PLCB1: variants seen among roughly 807,000 people sequenced by gnomAD.
PLCB1 encodes the protein 1-phosphatidylinositol 4,5-bisphosphate phosphodiesterase beta-1.
In PLCB1, 46 loss-of-function variants were observed where a neutral mutation model predicts 161.8. The ratio of observed to expected loss-of-function variants is 0.28; its 90% confidence interval spans 0.22 to 0.36. The LOEUF (loss-of-function observed/expected upper bound fraction) is 0.36, where lower values mean the gene tolerates loss of function less well. PLCB1 is among the 10% of genes least tolerant of loss of function. The probability of loss-of-function intolerance (pLI) is 1.00; values close to 1 mark genes in which losing one functional copy is unlikely to be tolerated. For missense variants in PLCB1, 1,016 were observed against 1,472.5 expected (o/e 0.69, Z 5.07); for synonymous variants, 517 against 503.7 (o/e 1.03, Z -0.35).
At chr20:8,508,393 G>A (rs141721877) in intron 3 of PLCB1, among the ~76,000 whole-genome samples, 1 of 152,288 alleles carries the variant, frequency 6.6e-6, no homozygotes, top group African/African-American at 2.4e-5. Context: ...ACAGTTACAA[G>A]TGGGCCCTTT....
chr20:8,626,039 G>A (rs1013891085), intron 3 of PLCB1, among the ~76,000 whole-genome samples: 5 of 151,886 alleles, frequency 3.3e-5, no homozygotes, highest in East Asian at 1.9e-4. Context: ...TTAGCCGGGC[G>A]TGGTGGCACA....
chr20:8,293,078 A>G (rs539950789), intron 2 of PLCB1, among the ~76,000 whole-genome samples: 15 of 152,262 alleles, frequency 9.9e-5, no homozygotes, highest in Non-Finnish European at 1.5e-4. Context: ...ATGTGGTCAC[A>G]TTCATTAATG....
intron 3 of PLCB1, among the ~76,000 whole-genome samples, chr20:8,513,784 A>G (rs548302323): frequency 6.6e-6 from 1 of 152,252 alleles, no homozygotes; most frequent in South Asian, 2.1e-4. Context: ...CCAAGGCAGA[A>G]AGATCGCTTG....
chr20:8,287,305 A>C (rs569031146), intron 2 of PLCB1, among the ~76,000 whole-genome samples: 2 of 152,292 alleles, frequency 1.3e-5, no homozygotes, highest in East Asian at 1.9e-4. Flanking sequence ...ATACATGTAC[A>C]TTGATTTTTT....
chr20:8,758,953 A>G (rs1022611115), intron 24 of PLCB1, among the ~76,000 whole-genome samples: 24 of 152,220 alleles, frequency 1.6e-4, no homozygotes, highest in African/African-American at 5.8e-4. Context: ...ACTCTGACCT[A>G]AACTGCACAA....
At chr20:8,733,981 A>C (rs1370495508) in intron 19 of PLCB1, among the ~76,000 whole-genome samples, 1 of 146,350 alleles carries the variant, frequency 6.8e-6, no homozygotes, top group African/African-American at 2.5e-5. Flanking sequence ...AAAAACAATT[A>C]GCCGGGCGTG....
At chr20:8,470,346 C>T (rs140708580) in intron 3 of PLCB1, among the ~76,000 whole-genome samples, 1 of 152,220 alleles carries the variant, frequency 6.6e-6, no homozygotes, top group African/African-American at 2.4e-5. Context: ...TGACAGTTTT[C>T]CTAAAGAGTT....
intron 2 of PLCB1, among the ~76,000 whole-genome samples, chr20:8,181,772 C>T (rs368127613): frequency 1.1e-4 from 17 of 150,072 alleles, no homozygotes; most frequent in African/African-American, 3.8e-4. Context: ...TCCAGGAGTG[C>T]AAGACCATCC....
rs117019330 is a variant in PLCB1 at position 8,850,941 on chromosome 20, G to A, written c.3424-30681G>A. ...AACCAAAATCTTTAAGCCAGAGATC[G>A]CAACCAGTAACCTGGCTGAATAATC... On this transcript the variant is annotated intron_variant, in intron 31 of 31. Coordinates refer to ENST00000338037, the MANE Select transcript of PLCB1 (RefSeq NM_015192.4). Among the ~76,000 whole-genome samples, 656 of 152,252 alleles carry A rather than the reference G, an allele frequency of 4.3e-3. 1 individual carries two copies. The highest frequency in any genetic ancestry group is 6.0e-3 in the Non-Finnish European group (405 of 68,026).
chr20:8,484,151 G>T (rs1455352193), intron 3 of PLCB1, among the ~76,000 whole-genome samples: 5 of 151,576 alleles, frequency 3.3e-5, no homozygotes, highest in Non-Finnish European at 7.4e-5. Context: ...TCAGCCTCCC[G>T]AGTAGCTGGG....
chr20:8,366,183 T>A lies in PLCB1; in HGVS notation c.178-5199T>A, dbSNP rs182924053. Among the ~76,000 whole-genome samples the A allele has an allele frequency of 1.9e-3, 294 of 152,296 alleles. 3 individuals carry two copies. Among genetic ancestry groups the A allele is most frequent in the African/African-American group, 6.6e-3 (274 of 41,554 alleles). ...TTGTTAAATACCCAATACCTCAGTT[T>A]GTTTAAGAGTTTAAGAGTTTCTGTT... On this transcript the variant is annotated intron_variant, in intron 2 of 31. Transcript: ENST00000338037.
intron 25 of PLCB1, 59 bp from the exon 26 acceptor site, chr20:8,765,080 C>T: frequency 7.3e-7 from 1 of 1,360,704 alleles, no homozygotes; most frequent in Non-Finnish European, 1.0e-6. Flanking sequence ...AGCCGCTCTT[C>T]TTTCCATCTG....
chr20:8,704,055 GAA>G (rs34671222), intron 11 of PLCB1, among the ~76,000 whole-genome samples: 2 of 152,256 alleles, frequency 1.3e-5, no homozygotes, highest in East Asian at 3.9e-4. Flanking sequence ...GCCATCATCA[GAA>G]AAGTTAGCAA....
chr20:8,374,389 T>G (rs1019441134), intron 3 of PLCB1, among the ~76,000 whole-genome samples: 2 of 152,154 alleles, frequency 1.3e-5, no homozygotes, highest in South Asian at 4.1e-4. Context: ...ACCTCTTTGT[T>G]TTGTAAACTA....
At chr20:8,751,724 A>T (rs893334309) in intron 23 of PLCB1, 3 of 152,184 alleles carry the variant, frequency 2.0e-5, no homozygotes, top group African/African-American at 4.8e-5. Context: ...AAATCTAGTC[A>T]ATGCGACTGA....
chr20:8,535,878 C>A (rs1470398279), intron 3 of PLCB1, among the ~76,000 whole-genome samples: 1 of 152,128 alleles, frequency 6.6e-6, no homozygotes, highest in Non-Finnish European at 1.5e-5. Context: ...GGATCTCTCA[C>A]TTACGGAAGC....
chr20:8,869,210 T>G (rs571996891), intron 31 of PLCB1, among the ~76,000 whole-genome samples: 1 of 152,330 alleles, frequency 6.6e-6, no homozygotes, highest in South Asian at 2.1e-4. Flanking sequence ...TTTATTATAC[T>G]TTAAGTTTTA....
At chr20:8,523,496 C>CTCTCTCTATATA in intron 3 of PLCB1, among the ~76,000 whole-genome samples, 3 of 51,654 alleles carry the variant, frequency 5.8e-5, no homozygotes, top group Non-Finnish European at 7.5e-5. Flanking sequence ...CTCTCTCTCT[C>CTCTCTCTATATA]TATATATATA....
intron 3 of PLCB1, among the ~76,000 whole-genome samples, chr20:8,463,865 T>C (rs1347044855): frequency 6.6e-6 from 1 of 152,234 alleles, no homozygotes; most frequent in African/African-American, 2.4e-5. Context: ...TCAATGCTTA[T>C]AGAAATTCAC....
Sources: allele counts gnomAD v4.1 joint callset (sites outside exome capture counted in the v4.1 genomes callset), GRCh38; gene constraint gnomAD v4.1.1; transcripts MANE v1.5; gene names NCBI Gene and HGNC (gene_info 2026-07-23, HGNC 2026-07-21).